Variants in ATP6V1E1 observed in about 807,000 individuals in gnomAD.
ATP6V1E1 encodes ATPase H+ transporting V1 subunit E1.
A neutral mutation model predicts 35.2 loss-of-function variants in ATP6V1E1; 21 were observed. The observed-to-expected ratio is 0.60, with a 90% CI of 0.42 to 0.86. The LOEUF (loss-of-function observed/expected upper bound fraction) is 0.86, where lower values mean the gene tolerates loss of function less well. Among genes scored for constraint, ATP6V1E1 ranks in the 40% least tolerant of loss-of-function variants. The pLI is 0.00. For synonymous variants in ATP6V1E1, 83 were observed against 87.8 expected, an observed-to-expected ratio of 0.95 and a Z score of 0.30; for missense variants, 183 against 272.6, an observed-to-expected ratio of 0.67 and a Z score of 2.32.
chr22:17,628,408 G>C (rs759451861), intron 1 of ATP6V1E1, among the ~76,000 whole-genome samples, 195 bp downstream of exon 1: 19 of 152,264 alleles, frequency 1.2e-4, no homozygotes, highest in Non-Finnish European at 2.4e-4. Flanking sequence ...CAGTGCCCAA[G>C]ACCCGAGCAA....
At chr22:17,623,132 T>C (rs2057886477) in intron 1 of ATP6V1E1, among the ~76,000 whole-genome samples, 1 of 152,180 alleles carries the variant, frequency 6.6e-6, no homozygotes, top group Admixed American at 6.6e-5. Context: ...GTGGCCACCA[T>C]CGTGTTTCCA....
intron 2 of ATP6V1E1, among the ~76,000 whole-genome samples, chr22:17,615,024 T>C (rs1314789691): frequency 6.6e-6 from 1 of 151,920 alleles, no homozygotes; most frequent in African/African-American, 2.4e-5. Flanking sequence ...AATTATGGGC[T>C]GGGCGCCATG....
chr22:17,601,486 A>G (rs1428699542), intron 4 of ATP6V1E1, among the ~76,000 whole-genome samples: 1 of 152,192 alleles, frequency 6.6e-6, no homozygotes, highest in Non-Finnish European at 1.5e-5. Flanking sequence ...TTTGAAAAGC[A>G]AGCTATTAAA....
chr22:17,593,975 G>T (rs1267500053), intron 8 of ATP6V1E1, among the ~76,000 whole-genome samples: 1 of 152,176 alleles, frequency 6.6e-6, no homozygotes, highest in Non-Finnish European at 1.5e-5. Flanking sequence ...GGCCAAGGCG[G>T]GTGGATCACC....
chr22:17,616,081 C>A (rs953068961), intron 2 of ATP6V1E1, among the ~76,000 whole-genome samples: 2 of 152,042 alleles, frequency 1.3e-5, no homozygotes, highest in Admixed American at 6.5e-5. Context: ...GGCGTGGTGG[C>A]TCACGCCTGT....
At position 17,592,230 on chromosome 22, in the gene ATP6V1E1, A is replaced by C. The variant is rs1297811941; in HGVS notation, c.*444T>G. The stretch of plus-strand genomic sequence containing the variant: ...GGCTTAGATTTTAAATCACATTTAC[A>C]GATGAGGGAAAACTTCTAGGCCTAA... On this transcript the variant is annotated 3_prime_UTR_variant, in exon 9 of 9. Coordinates refer to ENST00000253413, the MANE Select transcript of ATP6V1E1 (RefSeq NM_001696.4). 1.3e-5 allele frequency: 2 copies of C among 159,434 alleles called. No individual in the cohort carries two copies. Among genetic ancestry groups the C allele is most frequent in the Non-Finnish European group, 2.8e-5 (2 of 72,436 alleles). The allele number at this position is 159,434 out of a possible 1,614,324, so 9.9% of individuals were successfully genotyped here.
chr22:17,607,155 ATTTC>A (rs1372664095), intron 4 of ATP6V1E1, among the ~76,000 whole-genome samples: 1 of 150,840 alleles, frequency 6.6e-6, no homozygotes, highest in East Asian at 1.9e-4. Flanking sequence ...TTCTTCCTAT[ATTTC>A]TTTTTTTTTT....
chr22:17,608,363 A>T (rs2057796619), intron 4 of ATP6V1E1, among the ~76,000 whole-genome samples: 2 of 152,190 alleles, frequency 1.3e-5, no homozygotes, highest in African/African-American at 4.8e-5. Context: ...GAACTGAATG[A>T]CTGCTTTGTC....
chr22:17,593,595 T>C (rs548560073), intron 8 of ATP6V1E1, among the ~76,000 whole-genome samples: 1 of 152,238 alleles, frequency 6.6e-6, no homozygotes, highest in East Asian at 1.9e-4. Flanking sequence ...TATCCGTAAG[T>C]GAGTAGTGGC....
rs757531683 is a variant in ATP6V1E1, at chr22:17,600,114, A to G, written c.367-19T>C. 1 of 1,605,964 alleles carries G rather than the reference A, an allele frequency of 6.2e-7. No homozygotes were observed. The highest frequency in any genetic ancestry group is 1.3e-5 in the African/African-American group (1 of 74,722). ...ACAAACCCTGGAAGAAATAGTAGAT[A>G]CAGTCAGTAGAAAATGCAAACTATA... On this transcript the variant is annotated intron_variant, in intron 5 of 8. Transcript: ENST00000253413.
At chr22:17,621,576 TGA>T (rs1229064428) in intron 1 of ATP6V1E1, among the ~76,000 whole-genome samples, 2 of 152,186 alleles carry the variant, frequency 1.3e-5, no homozygotes. Context: ...ATTTCAGGTG[TGA>T]GTCACCGTAC....
intron 7 of ATP6V1E1, among the ~76,000 whole-genome samples, chr22:17,597,665 T>C (rs73391480): frequency 0.053 from 8,059 of 152,004 alleles, 342 homozygotes; most frequent in East Asian, 0.093. Flanking sequence ...TCTTGCTCTG[T>C]CGCCATACTG....
At chr22:17,609,393 C>A (rs369280247) in intron 4 of ATP6V1E1, among the ~76,000 whole-genome samples, 13 of 150,670 alleles carry the variant, frequency 8.6e-5, no homozygotes, top group Admixed American at 2.7e-4. Flanking sequence ...CTCCTGACCT[C>A]AAGTGATCCA....
At chr22:17,593,285 C>CAA (rs1013813124) in intron 8 of ATP6V1E1, among the ~76,000 whole-genome samples, 4 of 139,460 alleles carry the variant, frequency 2.9e-5, no homozygotes, top group Admixed American at 6.9e-5. Flanking sequence ...AAAAACAAAA[C>CAA]AAAAAAAAAC....
chr22:17,595,623 C>A (rs2057728008), intron 7 of ATP6V1E1, among the ~76,000 whole-genome samples: 2 of 152,026 alleles, frequency 1.3e-5, no homozygotes, highest in South Asian at 4.1e-4. Flanking sequence ...AAGTTTGAGG[C>A]CAGCCTGGCC....
At chr22:17,612,974 C>T in intron 3 of ATP6V1E1, 96 bp from the exon 4 acceptor site, 1 of 1,186,806 alleles carries the variant, frequency 8.4e-7, no homozygotes. Flanking sequence ...CTCCCTTGGC[C>T]TCCCCAAAGC....
At chr22:17,618,546 G>C (rs956059371) in intron 2 of ATP6V1E1, among the ~76,000 whole-genome samples, 4 of 151,824 alleles carry the variant, frequency 2.6e-5, no homozygotes, top group Non-Finnish European at 5.9e-5. Flanking sequence ...GCCAGGCGTG[G>C]TGGCGGGTGT....
At chr22:17,608,096 GATGT>G (rs1047024052) in intron 4 of ATP6V1E1, among the ~76,000 whole-genome samples, 6 of 152,272 alleles carry the variant, frequency 3.9e-5, no homozygotes, top group African/African-American at 1.4e-4. Context: ...CTGTAGTGGA[GATGT>G]ATTATCTTGT....
rs966973737 is a variant in ATP6V1E1 at position 17,628,690 on chromosome 22, T to C, written c.-55A>G. 1.4e-5 allele frequency: 22 copies of C among 1,611,714 alleles called. No individual in the cohort carries two copies. The highest frequency in any genetic ancestry group is 2.7e-5 in the African/African-American group (2 of 74,806). ...TAGGCTCGAGTTTAGGTTTGAAAGG[T>C]GAGGTGAGAGAAATCGGCAAAGGGA... On this transcript the variant is annotated 5_prime_UTR_variant, in exon 1 of 9. Transcript: ENST00000253413.
Sources: gnomAD v4.1 joint callset for allele counts (sites outside exome capture counted in the v4.1 genomes callset) on GRCh38, gnomAD v4.1.1 for gene constraint, MANE v1.5 for transcripts, NCBI Gene and HGNC (gene_info 2026-07-23, HGNC 2026-07-21) for gene names.